SCRG1: variants seen among roughly 807,000 people sequenced by gnomAD.
SCRG1 encodes the protein stimulator of chondrogenesis 1.
SCRG1 carries 3 observed loss-of-function variants against 7.7 expected under a neutral mutation model. The ratio of observed to expected loss-of-function variants is 0.39; its 90% CI spans 0.18 to 1.01. SCRG1 has a LOEUF of 1.01. Ranked by LOEUF, SCRG1 falls within the 50% of genes least tolerant of loss-of-function variation. SCRG1 has a pLI of 0.36. For missense variants in SCRG1, 110 were observed against 117.2 expected (o/e 0.94, Z 0.28); for synonymous variants, 46 against 41.2 (o/e 1.12, Z -0.44).
chr4:173,393,825 T>A (rs1319788320), intron 1 of SCRG1, among the ~76,000 whole-genome samples: 3 of 152,146 alleles, frequency 2.0e-5, no homozygotes, highest in Non-Finnish European at 4.4e-5. Context: ...TATTTATAAT[T>A]GTTATAGCTT....
chr4:173,458,229 G>A, the SCRG1 span, among the ~76,000 whole-genome samples: 1 of 152,114 alleles, frequency 6.6e-6, no homozygotes, highest in Non-Finnish European at 1.5e-5. Flanking sequence ...AGGTCTGAGG[G>A]GAATTTAAGA....
chr4:173,514,647 A>G, the SCRG1 span, among the ~76,000 whole-genome samples: 2 of 152,226 alleles, frequency 1.3e-5, no homozygotes, highest in South Asian at 2.1e-4. Flanking sequence ...TTCTACCCAT[A>G]GGTCATTAAA....
At chr4:173,497,423 A>T in the SCRG1 span, among the ~76,000 whole-genome samples, 49,714 of 151,796 alleles carry the variant, frequency 0.33, 10,171 homozygotes, top group East Asian at 0.56. Context: ...GGAAAAGACT[A>T]CTTCCAGGTA....
At chr4:173,435,170 T>A in the SCRG1 span, among the ~76,000 whole-genome samples, 2 of 151,668 alleles carry the variant, frequency 1.3e-5, no homozygotes, top group Admixed American at 6.6e-5. Flanking sequence ...AGAACTTAGA[T>A]TCAACTTCCC....
At chr4:173,498,903 A>T in the SCRG1 span, among the ~76,000 whole-genome samples, 1 of 152,206 alleles carries the variant, frequency 6.6e-6, no homozygotes, top group Non-Finnish European at 1.5e-5. Flanking sequence ...TAATTTGCAC[A>T]CAGGTCTCTG....
At chr4:173,411,334 A>G (rs1045617036), upstream of SCRG1, among the ~76,000 whole-genome samples, 1 of 152,276 alleles carries the variant, frequency 6.6e-6, no homozygotes. Context: ...GTATGAGAAC[A>G]GTGATGACTT....
At chr4:173,485,030 T>TATATAATATATAATATATA in the SCRG1 span, among the ~76,000 whole-genome samples, 11 of 18,998 alleles carry the variant, frequency 5.8e-4, 1 homozygote, top group African/African-American at 3.1e-3. Context: ...TATAATATAT[T>TATATAATATATAATATATA]ATATATTATA....
upstream of SCRG1, among the ~76,000 whole-genome samples, chr4:173,401,150 C>A (rs1247028385): frequency 6.6e-6 from 1 of 152,152 alleles, no homozygotes; most frequent in Non-Finnish European, 1.5e-5. Flanking sequence ...GAGATCAAAT[C>A]TCTGCTTGGT....
At chr4:173,412,764 G>A in the SCRG1 span, among the ~76,000 whole-genome samples, 7 of 152,206 alleles carry the variant, frequency 4.6e-5, no homozygotes, top group Non-Finnish European at 1.0e-4. Flanking sequence ...TAACTTGGGA[G>A]CTTTGATTCC....
chr4:173,482,188 A>T, the SCRG1 span, among the ~76,000 whole-genome samples: 6 of 152,132 alleles, frequency 3.9e-5, no homozygotes, highest in African/African-American at 1.4e-4. Context: ...AACCTGAATG[A>T]TATAGGCCAC....
chr4:173,422,683 T>C, the SCRG1 span, among the ~76,000 whole-genome samples: 1 of 152,222 alleles, frequency 6.6e-6, no homozygotes, highest in Non-Finnish European at 1.5e-5. Flanking sequence ...ATTATGATTC[T>C]ATCTGATGTT....
At chr4:173,468,696 AT>A in the SCRG1 span, 1 of 152,132 alleles carries the variant, frequency 6.6e-6, no homozygotes, top group Non-Finnish European at 1.5e-5. Flanking sequence ...TTAGAAAGAA[AT>A]TTTGCACCAT....
chr4:173,388,437 AAG>A, intron 2 of SCRG1, 42 bp from the exon 3 acceptor site: 1 of 1,363,638 alleles, frequency 7.3e-7, no homozygotes, highest in Non-Finnish European at 1.0e-6. Context: ...CCTTAAGGCT[AAG>A]ATATTAGTTA....
chr4:173,423,241 G>T, the SCRG1 span, among the ~76,000 whole-genome samples: 2 of 152,144 alleles, frequency 1.3e-5, no homozygotes, highest in African/African-American at 4.8e-5. Context: ...CAATAGTGTT[G>T]CTTAGTAAAT....
At chr4:173,484,074 TG>T in the SCRG1 span, among the ~76,000 whole-genome samples, 4 of 91,882 alleles carry the variant, frequency 4.4e-5, no homozygotes, top group South Asian at 3.7e-4. Flanking sequence ...ATAATATACA[TG>T]ATATAATATA....
the SCRG1 span, among the ~76,000 whole-genome samples, chr4:173,492,876 A>G: frequency 1.3e-5 from 2 of 152,186 alleles, no homozygotes; most frequent in African/African-American, 4.8e-5. Context: ...TACAGTTTTT[A>G]CACTTCTAGG....
the SCRG1 span, among the ~76,000 whole-genome samples, chr4:173,493,519 G>C: frequency 6.6e-6 from 1 of 151,816 alleles, no homozygotes; most frequent in Non-Finnish European, 1.5e-5. Context: ...TTGGGAGGCT[G>C]AGGCAGGAGA....
chr4:173,444,087 T>C, the SCRG1 span, among the ~76,000 whole-genome samples: 1 of 151,854 alleles, frequency 6.6e-6, no homozygotes, highest in Non-Finnish European at 1.5e-5. Flanking sequence ...GATTCTACTG[T>C]CTCAGCCTCT....
the SCRG1 span, among the ~76,000 whole-genome samples, chr4:173,483,002 T>C: frequency 1.3e-4 from 17 of 131,226 alleles, no homozygotes; most frequent in African/African-American, 4.9e-4. Flanking sequence ...ATTTCATATG[T>C]ATAATATATT....
Sources: gnomAD v4.1 joint callset for allele counts (sites outside exome capture counted in the v4.1 genomes callset) on GRCh38, gnomAD v4.1.1 for gene constraint, MANE v1.5 for transcripts, NCBI Gene and HGNC (gene_info 2026-07-23, HGNC 2026-07-21) for gene names.